RBBP8: variants seen among roughly 807,000 people sequenced by gnomAD.
The protein encoded by RBBP8 is RB binding protein 8, endonuclease, also known as DNA endonuclease RBBP8.
Under a neutral mutation model 108.3 loss-of-function variants are expected in RBBP8, and 88 were observed. The observed-to-expected ratio is 0.81, with a 90% confidence interval of 0.68 to 0.97. The LOEUF (loss-of-function observed/expected upper bound fraction) is 0.97, where lower values mean the gene tolerates loss of function less well. Ranked by LOEUF, RBBP8 falls within the 50% of genes least tolerant of loss-of-function variation. RBBP8 has a pLI of 0.00. For missense variants in RBBP8, 1,023 were observed against 1,049.0 expected, an observed-to-expected ratio of 0.98 and a Z score of 0.34; for synonymous variants, 332 against 348.2, an observed-to-expected ratio of 0.95 and a Z score of 0.52.
Position 23,011,357 on chromosome 18 carries a change from A to G in RBBP8, c.2357+4925A>G, listed in dbSNP as rs147361892. On this transcript the variant is annotated intron_variant, in intron 16 of 18. Coordinates refer to ENST00000327155, the MANE Select transcript of RBBP8 (RefSeq NM_002894.3). ...TGCTTACTTCATGTTTCTGTGTCAC[A>G]TTTTAGTAATTCTCACAATATTTCA... Among the ~76,000 whole-genome samples the G allele has an allele frequency of 2.6e-3, 389 of 151,780 alleles. 1 individual carries two copies. Among genetic ancestry groups the G allele is most frequent in the Non-Finnish European group, 4.7e-3 (318 of 67,980 alleles).
At chr18:22,944,063 A>AGGAGCTAC (rs1230928182) in intron 2 of RBBP8, among the ~76,000 whole-genome samples, 5 of 152,246 alleles carry the variant, frequency 3.3e-5, no homozygotes, top group African/African-American at 1.2e-4. Flanking sequence ...CTGTTCATAC[A>AGGAGCTAC]GGAGCTACAT....
intron 18 of RBBP8, among the ~76,000 whole-genome samples, chr18:23,024,180 C>T (rs1015051331): frequency 6.6e-6 from 1 of 151,288 alleles, no homozygotes; most frequent in East Asian, 2.0e-4. Flanking sequence ...CCACCACGCC[C>T]GGCCTGAAGG....
intron 3 of RBBP8, among the ~76,000 whole-genome samples, chr18:22,947,699 A>G (rs1390767046): frequency 6.6e-6 from 1 of 152,094 alleles, no homozygotes; most frequent in Non-Finnish European, 1.5e-5. Context: ...TGTCTTTAAT[A>G]TATTAGACAC....
chr18:22,975,243 T>C (rs1236440788), intron 6 of RBBP8, 24 bp downstream of exon 6: 4 of 1,610,448 alleles, frequency 2.5e-6, no homozygotes, highest in Non-Finnish European at 2.5e-6. Context: ...TCCAACCTTG[T>C]TATTTTATTT....
At chr18:22,966,602 C>A (rs1299538305) in intron 4 of RBBP8, among the ~76,000 whole-genome samples, 1 of 138,828 alleles carries the variant, frequency 7.2e-6, no homozygotes, top group African/African-American at 2.6e-5. Flanking sequence ...AGTCTATGTT[C>A]TTTTATTTTG....
rs9950354 is a variant in RBBP8, at chr18:22,976,887, T to C, written c.428+1668T>C. On this transcript the variant is annotated intron_variant, in intron 6 of 18. Transcript: ENST00000327155. ...TTAGGTTGAAACTATATCGTGTCAT[T>C]TGCTTGGTAGAAATATGAATTCTAA... 3.4e-3 allele frequency among the ~76,000 whole-genome samples: 518 copies of C among 152,230 alleles called. 4 individuals are homozygous for C. Among genetic ancestry groups the C allele is most frequent in the African/African-American group, 0.012 (505 of 41,574 alleles).
At chr18:23,004,056 C>CAAAAAAAAAAAA (rs34653966) in intron 15 of RBBP8, among the ~76,000 whole-genome samples, 1 of 69,656 alleles carries the variant, frequency 1.4e-5, no homozygotes, top group Non-Finnish European at 3.2e-5. Flanking sequence ...GACCCCGTCT[C>CAAAAAAAAAAAA]AAAAAAAAAA....
At chr18:23,007,263 C>T (rs2046070073) in intron 16 of RBBP8, among the ~76,000 whole-genome samples, 1 of 151,652 alleles carries the variant, frequency 6.6e-6, no homozygotes, top group Non-Finnish European at 1.5e-5. Context: ...TCAGGTGATC[C>T]ACCCGCCTCA....
chr18:23,013,679 A>C (rs1376548904), intron 16 of RBBP8, among the ~76,000 whole-genome samples: 1 of 152,180 alleles, frequency 6.6e-6, no homozygotes, highest in African/African-American at 2.4e-5. Flanking sequence ...GCTGATAATC[A>C]TCTTTGTTTT....
chr18:23,008,140 A>G (rs991192105), intron 16 of RBBP8, among the ~76,000 whole-genome samples: 14 of 152,120 alleles, frequency 9.2e-5, no homozygotes, highest in African/African-American at 2.9e-4. Context: ...CCATAATGCG[A>G]CCTTCTGCCT....
intron 18 of RBBP8, chr18:23,024,512 T>C (rs2046423733): frequency 6.6e-6 from 1 of 152,222 alleles, no homozygotes; most frequent in Non-Finnish European, 1.5e-5. Context: ...GACCTCTTTA[T>C]TATTTTTTGC....
intron 6 of RBBP8, among the ~76,000 whole-genome samples, chr18:22,980,957 A>T (rs889914618): frequency 1.1e-5 from 1 of 94,532 alleles, no homozygotes; most frequent in Non-Finnish European, 2.1e-5. Context: ...GGTGTGAGCC[A>T]CTTATGTCTT....
Position 22,949,699 on chromosome 18 carries a change from AG to A in RBBP8, c.235del (p.Val79PhefsTer2). On this transcript the variant is annotated frameshift_variant, in exon 4 of 19. Coordinates refer to ENST00000327155, the MANE Select transcript of RBBP8 (RefSeq NM_002894.3). LOFTEE classifies it high-confidence loss of function. ...AGAAAGTCCTTCATGAAACCATTAA[AG>A]TTTTAGAAGATCGGTGAGTCTGGCA... Reference protein sequence around the residue: ...QQKVLHETIKVLEDRLRAGLC... With the variant: ...QQKVLHETIKXLEDRLRAGLC... 1 of 1,611,234 alleles carries A rather than the reference AG, an allele frequency of 6.2e-7. No individual in the cohort carries two copies. Among genetic ancestry groups the A allele is most frequent in the East Asian group, 2.2e-5 (1 of 44,786 alleles).
intron 14 of RBBP8, among the ~76,000 whole-genome samples, chr18:23,000,513 G>A (rs1384156836): frequency 6.6e-6 from 1 of 152,094 alleles, no homozygotes; most frequent in Non-Finnish European, 1.5e-5. Flanking sequence ...AGGCCTAGGT[G>A]GGCGGATCAC....
chr18:22,916,564 T>C (rs979399263), intron 2 of RBBP8, among the ~76,000 whole-genome samples: 1 of 152,126 alleles, frequency 6.6e-6, no homozygotes, highest in Admixed American at 6.5e-5. Flanking sequence ...TTGTATAGTG[T>C]GTTAATGAAT....
At chr18:22,966,068 C>T (rs1913556998) in intron 4 of RBBP8, among the ~76,000 whole-genome samples, 1 of 152,188 alleles carries the variant, frequency 6.6e-6, no homozygotes, top group Non-Finnish European at 1.5e-5. Flanking sequence ...AGGTCACTTT[C>T]TATTTGCCCA....
Position 22,955,579 on chromosome 18 carries a change from CTT to C in RBBP8, c.248+5881_248+5882del, listed in dbSNP as rs746128314. Among the ~76,000 whole-genome samples, 666 of 140,184 alleles carry C rather than the reference CTT, an allele frequency of 4.8e-3. 3 individuals carry two copies. Among genetic ancestry groups the C allele is most frequent in the African/African-American group, 0.016 (593 of 38,136 alleles). The allele number at this position is 140,184 out of a possible 152,430, so 92.0% of individuals were successfully genotyped here. Reference sequence around the variant, plus strand: ...AGTTAATACATAATTAGGTTTATATCTTTTTTTTTTTTTTTTGAGACAGAGTC... The same window carrying C: ...AGTTAATACATAATTAGGTTTATATCTTTTTTTTTTTTTTGAGACAGAGTC... On this transcript the variant is annotated intron_variant, in intron 4 of 18. Coordinates refer to ENST00000327155, the MANE Select transcript of RBBP8 (RefSeq NM_002894.3).
intron 14 of RBBP8, among the ~76,000 whole-genome samples, chr18:22,998,271 C>G (rs529928509): frequency 6.6e-6 from 1 of 152,186 alleles, no homozygotes; most frequent in South Asian, 2.1e-4. Flanking sequence ...ACCGAGAAGT[C>G]TTAGTATAGT....
chr18:22,945,848 ACCC>A (rs1280354816), intron 2 of RBBP8, among the ~76,000 whole-genome samples: 2 of 151,962 alleles, frequency 1.3e-5, no homozygotes, highest in East Asian at 3.9e-4. Flanking sequence ...TAGAAATGTC[ACCC>A]TGTTTTGTCC....
Sources: gnomAD v4.1 joint callset for allele counts (sites outside exome capture counted in the v4.1 genomes callset) on GRCh38, gnomAD v4.1.1 for gene constraint, MANE v1.5 for transcripts, NCBI Gene and HGNC (gene_info 2026-07-23, HGNC 2026-07-21) for gene names.